The following SHANK2 variants were observed in gnomAD, a reference collection of about 807,000 sequenced individuals.
SHANK2 encodes the protein SH3 and multiple ankyrin repeat domains 2.
SHANK2 carries 43 observed loss-of-function variants against 133.7 expected under a neutral mutation model. The observed-to-expected ratio is 0.32, with a 90% CI of 0.25 to 0.41. SHANK2 has a LOEUF of 0.41. SHANK2 is among the 10% of genes least tolerant of loss of function. SHANK2 has a pLI of 1.00. For synonymous variants in SHANK2, 1,017 were observed against 952.8 expected (o/e 1.07, Z -1.24); for missense variants, 1,994 against 2,235.8 (o/e 0.89, Z 2.18).
intron 14 of SHANK2, among the ~76,000 whole-genome samples, chr11:70,746,985 A>C (rs1450522441): frequency 8.4e-4 from 20 of 23,690 alleles, no homozygotes; most frequent in East Asian, 1.3e-3. Context: ...CCCTCCCTCC[A>C]TCCCTGCACC....
intron 10 of SHANK2, among the ~76,000 whole-genome samples, chr11:70,939,812 A>C (rs1207603537): frequency 6.6e-6 from 1 of 152,194 alleles, no homozygotes; most frequent in African/African-American, 2.4e-5. Context: ...TGGAGCCCAT[A>C]AATAAGTGAA....
intron 14 of SHANK2, among the ~76,000 whole-genome samples, chr11:70,746,417 C>T (rs1946639052): frequency 6.7e-6 from 1 of 149,370 alleles, no homozygotes; most frequent in Non-Finnish European, 1.5e-5. Flanking sequence ...GTGCCCCATG[C>T]TCACAGCCCC....
chr11:70,823,568 C>A (rs1664185), intron 11 of SHANK2, among the ~76,000 whole-genome samples: 192 of 33,880 alleles, frequency 5.7e-3, no homozygotes, highest in Middle Eastern at 0.067. Context: ...GCGCTGGCAG[C>A]GTTCACGGGG....
At chr11:70,781,465 C>T (rs999050620) in intron 14 of SHANK2, among the ~76,000 whole-genome samples, 1 of 148,422 alleles carries the variant, frequency 6.7e-6, no homozygotes, top group Non-Finnish European at 1.5e-5. Context: ...GGGACCATTG[C>T]TTGGTCATCC....
chr11:70,950,476 C>G (rs1590866562), intron 10 of SHANK2, among the ~76,000 whole-genome samples: 1 of 152,340 alleles, frequency 6.6e-6, no homozygotes, highest in East Asian at 1.9e-4. Context: ...CAGGCGTGAG[C>G]CACTGCACCA....
intron 17 of SHANK2, among the ~76,000 whole-genome samples, chr11:70,596,109 G>T (rs782287523): frequency 1.6e-4 from 24 of 152,234 alleles, no homozygotes; most frequent in Admixed American, 5.2e-4. Flanking sequence ...CTTGGTTTCA[G>T]AATTCTGGCC....
Position 70,629,476 on chromosome 11 carries a change from G to A in SHANK2, c.2061+30352C>T, listed in dbSNP as rs898897444. ...GACACACGGACGTCCAGCAGGTTCC[G>A]GCCTGGCGGGAGAGGGAGGTCTGGA... On this transcript the variant is annotated intron_variant, in intron 17 of 25. Transcript: ENST00000601538. 2.5e-4 allele frequency among the ~76,000 whole-genome samples: 38 copies of A among 152,308 alleles called. 1 individual carries two copies. The highest frequency in any genetic ancestry group is 6.5e-4 in the Admixed American group (10 of 15,304).
Position 70,676,891 on chromosome 11 carries a change from T to A in SHANK2, c.1854-15213A>T, listed in dbSNP as rs78295881. Among the ~76,000 whole-genome samples, 958 of 152,192 alleles carry A rather than the reference T, an allele frequency of 6.3e-3. 11 individuals carry two copies. The highest frequency in any genetic ancestry group is 0.022 in the African/African-American group (919 of 41,512). ...CCAGAGAAGATCTAGTCACAACCCCTCATCTCAAATGAACTTTGGTTCAGA... is the reference window on the plus strand; with the variant it reads ...CCAGAGAAGATCTAGTCACAACCCCACATCTCAAATGAACTTTGGTTCAGA... On this transcript the variant is annotated intron_variant, in intron 15 of 25. Transcript: ENST00000601538.
At chr11:71,204,608 C>G (rs1444547662) in intron 2 of SHANK2, among the ~76,000 whole-genome samples, 2 of 152,206 alleles carry the variant, frequency 1.3e-5, no homozygotes, top group East Asian at 3.9e-4. Context: ...CAGCCACGCC[C>G]TTGCACTTTA....
intron 15 of SHANK2, 193 bp from the exon 16 acceptor site, chr11:70,661,871 G>A: frequency 6.7e-7 from 1 of 1,495,248 alleles, no homozygotes; most frequent in Non-Finnish European, 9.2e-7. Flanking sequence ...TACCGGGATA[G>A]GCGAGCGTGG....
chr11:70,825,360 G>C lies in SHANK2; in HGVS notation c.1175-4678C>G, dbSNP rs367833439. ...TTTGGTGAATAATGTCAGAAAATGG[G>C]CACAGACAAAGGTTGTTATTTATAT... is the stretch of plus-strand genomic sequence containing the variant. On this transcript the variant is annotated intron_variant, in intron 11 of 25. Transcript: ENST00000601538. Among the ~76,000 whole-genome samples, 5 of 152,218 alleles carry C rather than the reference G, an allele frequency of 3.3e-5. No individual in the cohort carries two copies. The Middle Eastern group carries it at 0.01, about 311-fold the overall frequency.
intron 17 of SHANK2, 28 bp from the exon 18 acceptor site, chr11:70,502,959 A>G: frequency 6.2e-7 from 1 of 1,613,754 alleles, no homozygotes; most frequent in Non-Finnish European, 8.5e-7. Context: ...GGATGGCATC[A>G]GTGAGAGCCA....
intron 14 of SHANK2, among the ~76,000 whole-genome samples, chr11:70,704,607 C>T (rs1403224023): frequency 6.8e-6 from 1 of 147,984 alleles, no homozygotes; most frequent in African/African-American, 2.4e-5. Context: ...GAAAGGTGAT[C>T]TTGGCTTCCT....
chr11:70,946,219 TCCCCAAG>T (rs1950729765), intron 10 of SHANK2, among the ~76,000 whole-genome samples: 1 of 110,078 alleles, frequency 9.1e-6, no homozygotes, highest in Admixed American at 8.7e-5. Context: ...AACCAACTCT[TCCCCAAG>T]CTCAACCTCC....
intron 9 of SHANK2, among the ~76,000 whole-genome samples, chr11:71,065,885 G>GGGGGT: frequency 7.6e-6 from 1 of 130,968 alleles, no homozygotes; most frequent in Non-Finnish European, 1.6e-5. Context: ...AAGTTGGGGG[G>GGGGGT]GATACAGAAC....
At chr11:71,213,669 G>T (rs1954334189) in intron 2 of SHANK2, among the ~76,000 whole-genome samples, 1 of 152,160 alleles carries the variant, frequency 6.6e-6, no homozygotes, top group Non-Finnish European at 1.5e-5. Flanking sequence ...GTGGGAAAAG[G>T]TGGTGGCCAC....
At chr11:70,916,614 G>T (rs1254073624) in intron 10 of SHANK2, among the ~76,000 whole-genome samples, 2 of 152,142 alleles carry the variant, frequency 1.3e-5, no homozygotes, top group Non-Finnish European at 2.9e-5. Flanking sequence ...AGAGGATGAT[G>T]ACCTAATTAT....
chr11:70,920,192 G>C (rs1390252021), intron 10 of SHANK2, among the ~76,000 whole-genome samples: 3 of 152,200 alleles, frequency 2.0e-5, no homozygotes, highest in African/African-American at 7.2e-5. Flanking sequence ...TTAATAAATA[G>C]TAGCTACTAG....
chr11:71,129,579 G>A (rs1306472708), intron 3 of SHANK2, among the ~76,000 whole-genome samples: 2 of 152,168 alleles, frequency 1.3e-5, no homozygotes, highest in African/African-American at 2.4e-5. Context: ...GGGAGGTTGA[G>A]GCTGCAGTGA....
Sources: gnomAD v4.1 joint callset for allele counts (sites outside exome capture counted in the v4.1 genomes callset) on GRCh38, gnomAD v4.1.1 for gene constraint, MANE v1.5 for transcripts, NCBI Gene and HGNC (gene_info 2026-07-23, HGNC 2026-07-21) for gene names.